NRXN3: variants seen among roughly 807,000 people sequenced by gnomAD.
NRXN3 encodes the protein neurexin III.
NRXN3 carries 32 observed loss-of-function variants against 137.6 expected under a neutral mutation model. The ratio of observed to expected loss-of-function variants is 0.23; its 90% CI spans 0.18 to 0.31. The LOEUF (loss-of-function observed/expected upper bound fraction) is 0.31, where lower values mean the gene tolerates loss of function less well. Among genes scored for constraint, NRXN3 ranks in the 10% least tolerant of loss-of-function variants. The pLI is 1.00. For synonymous variants in NRXN3, 798 were observed against 784.5 expected, an observed-to-expected ratio of 1.02 and a Z score of -0.29; for missense variants, 1,574 against 2,062.5, an observed-to-expected ratio of 0.76 and a Z score of 4.59.
At chr14:78,464,097 G>T (rs1047627523) in intron 4 of NRXN3, among the ~76,000 whole-genome samples, 1 of 150,306 alleles carries the variant, frequency 6.7e-6, no homozygotes, top group Non-Finnish European at 1.5e-5. Flanking sequence ...CTGTTCCCCA[G>T]GCTGGAGTGC....
At chr14:78,307,873 A>G (rs2077526608) in intron 4 of NRXN3, among the ~76,000 whole-genome samples, 1 of 152,028 alleles carries the variant, frequency 6.6e-6, no homozygotes, top group Non-Finnish European at 1.5e-5. Flanking sequence ...CATCCTTTTA[A>G]TAAGCTACTA....
At chr14:79,754,482 G>T (rs2099010704) in intron 19 of NRXN3, among the ~76,000 whole-genome samples, 3 of 125,306 alleles carry the variant, frequency 2.4e-5, no homozygotes, top group Middle Eastern at 5.4e-3. Flanking sequence ...ACAGAGGGAA[G>T]ACTCACTCTC....
intron 4 of NRXN3, among the ~76,000 whole-genome samples, chr14:78,491,168 G>A (rs1468743): frequency 0.36 from 54,165 of 152,072 alleles, 10,239 homozygotes; most frequent in Admixed American, 0.42. Context: ...GTAGGATGGC[G>A]TGAGCTGGTC....
rs1157942892 is a variant in NRXN3 at position 78,913,274 on chromosome 14, C to CTTTTTTTTTTT, written c.2276-43954_2276-43944dup. The stretch of plus-strand genomic sequence containing the variant: ...TCTTTCTTTCTTTCTTTCTTTCTTT[C>CTTTTTTTTTTT]TTTTTTTTTTTTTTTTTTTTTTTTG... On this transcript the variant is annotated intron_variant, in intron 10 of 20. Coordinates refer to ENST00000335750, the MANE Select transcript of NRXN3 (RefSeq NM_001330195.2). Among the ~76,000 whole-genome samples the CTTTTTTTTTTT allele has an allele frequency of 5.4e-4, 26 of 47,860 alleles. 2 individuals are homozygous for CTTTTTTTTTTT. The highest frequency in any genetic ancestry group is 1.3e-3 in the African/African-American group (13 of 9,924). 31.4% of individuals were successfully genotyped at this position (47,860 alleles called of 152,430 possible).
chr14:78,686,844 A>G (rs746410387), intron 6 of NRXN3, among the ~76,000 whole-genome samples: 1 of 152,168 alleles, frequency 6.6e-6, no homozygotes, highest in Non-Finnish European at 1.5e-5. Flanking sequence ...AGCTCACTGA[A>G]TGTGACTTTC....
At chr14:78,967,187 T>C (rs74067003) in intron 12 of NRXN3, 21 bp from the exon 13 acceptor site, 133,603 of 1,403,338 alleles carry the variant, frequency 0.095, 1,743 homozygotes, top group Admixed American at 0.11. Context: ...AATTATTGTT[T>C]TTTTTTTTTT....
chr14:78,541,050 A>G (rs1448901490), intron 4 of NRXN3, among the ~76,000 whole-genome samples: 1 of 151,966 alleles, frequency 6.6e-6, no homozygotes, highest in African/African-American at 2.4e-5. Flanking sequence ...TACCCTTAAC[A>G]CTTTTCCCTT....
At chr14:78,852,932 T>C (rs1310097950) in intron 10 of NRXN3, among the ~76,000 whole-genome samples, 1 of 151,796 alleles carries the variant, frequency 6.6e-6, no homozygotes, top group Non-Finnish European at 1.5e-5. Context: ...TAAGAGAACA[T>C]GTGAAGTTTG....
chr14:79,001,197 TGAA>T (rs1450443539), intron 15 of NRXN3, among the ~76,000 whole-genome samples: 6 of 152,182 alleles, frequency 3.9e-5, no homozygotes, highest in Non-Finnish European at 8.8e-5. Context: ...GCCATGATAG[TGAA>T]GAAGACTTCA....
chr14:78,660,009 T>A (rs973940578), intron 6 of NRXN3, among the ~76,000 whole-genome samples: 7 of 152,094 alleles, frequency 4.6e-5, no homozygotes, highest in African/African-American at 1.7e-4. Flanking sequence ...AACCCTCAGC[T>A]ACTGGGGACA....
At chr14:79,798,201 G>A (rs191157398) in intron 19 of NRXN3, among the ~76,000 whole-genome samples, 99 of 151,840 alleles carry the variant, frequency 6.5e-4, no homozygotes, top group South Asian at 2.3e-3. Flanking sequence ...AATCTTAATA[G>A]ATACATTTAA....
At chr14:79,408,002 A>G (rs2095346550) in intron 15 of NRXN3, among the ~76,000 whole-genome samples, 1 of 152,192 alleles carries the variant, frequency 6.6e-6, no homozygotes. Flanking sequence ...TGCCTGAACT[A>G]GGAATATAAT....
intron 4 of NRXN3, among the ~76,000 whole-genome samples, chr14:78,527,970 C>A (rs938903344): frequency 6.6e-6 from 1 of 152,128 alleles, no homozygotes; most frequent in Admixed American, 6.5e-5. Context: ...GGAAGGATAA[C>A]GAGAAGAAAA....
At chr14:78,369,930 TAAAA>T (rs57610008) in intron 4 of NRXN3, among the ~76,000 whole-genome samples, 1,928 of 140,370 alleles carry the variant, frequency 0.014, 32 homozygotes, top group African/African-American at 0.037. Context: ...TTAGCCTGGT[TAAAA>T]AAAAAAAAAA....
chr14:78,404,751 G>A (rs2092371437), intron 4 of NRXN3, among the ~76,000 whole-genome samples: 1 of 152,160 alleles, frequency 6.6e-6, no homozygotes, highest in Admixed American at 6.5e-5. Flanking sequence ...GATAAGCTCG[G>A]ATTGATATTC....
chr14:78,688,949 A>T (rs571122131), intron 6 of NRXN3, among the ~76,000 whole-genome samples: 1 of 152,078 alleles, frequency 6.6e-6, no homozygotes, highest in South Asian at 2.1e-4. Flanking sequence ...CCTTTGCAAG[A>T]GGTTTTTCTT....
At chr14:78,296,030 T>C (rs1350565533) in intron 3 of NRXN3, among the ~76,000 whole-genome samples, 1 of 151,794 alleles carries the variant, frequency 6.6e-6, no homozygotes, top group Non-Finnish European at 1.5e-5. Flanking sequence ...CCTTATTCTT[T>C]TCTTTTCTTT....
chr14:78,619,651 C>A (rs575943299), intron 4 of NRXN3, among the ~76,000 whole-genome samples: 34 of 151,942 alleles, frequency 2.2e-4, no homozygotes, highest in Non-Finnish European at 4.6e-4. Flanking sequence ...GGGGCTCTTG[C>A]CCTCTTTGCT....
chr14:78,992,862 C>T (rs2099521709), intron 15 of NRXN3, among the ~76,000 whole-genome samples: 1 of 152,132 alleles, frequency 6.6e-6, no homozygotes, highest in African/African-American at 2.4e-5. Flanking sequence ...GAGTCCTTAA[C>T]ACACATCAAG....
Sources: gnomAD v4.1 joint callset for allele counts (sites outside exome capture counted in the v4.1 genomes callset) on GRCh38, gnomAD v4.1.1 for gene constraint, MANE v1.5 for transcripts, NCBI Gene and HGNC (gene_info 2026-07-23, HGNC 2026-07-21) for gene names.